Variants in GALNTL6 observed in about 807,000 individuals in gnomAD.
GALNTL6 encodes the protein polypeptide N-acetylgalactosaminyltransferase-like 6.
A neutral mutation model predicts 73.7 loss-of-function variants in GALNTL6; 46 were observed. That is an observed-to-expected ratio of 0.62 (90% CI 0.49 to 0.80). The LOEUF is 0.80. Ranked by LOEUF, GALNTL6 falls within the 30% of genes least tolerant of loss-of-function variation. The pLI is 0.00. For synonymous variants in GALNTL6, 259 were observed against 263.7 expected (o/e 0.98, Z 0.17); for missense variants, 604 against 755.0 (o/e 0.80, Z 2.34).
intron 2 of GALNTL6, among the ~76,000 whole-genome samples, chr4:172,049,710 G>A (rs985783944): frequency 2.6e-5 from 4 of 151,966 alleles, no homozygotes; most frequent in Non-Finnish European, 4.4e-5. Flanking sequence ...TCAGCCTGGC[G>A]CAGCGGCTCA....
intron 5 of GALNTL6, among the ~76,000 whole-genome samples, chr4:172,687,743 T>C (rs896784834): frequency 6.6e-6 from 1 of 152,154 alleles, no homozygotes; most frequent in Non-Finnish European, 1.5e-5. Context: ...AAAAAGACTT[T>C]AGCGCTTGGC....
chr4:172,303,176 T>A (rs1241635807), intron 3 of GALNTL6, among the ~76,000 whole-genome samples: 1 of 151,926 alleles, frequency 6.6e-6, no homozygotes, highest in Non-Finnish European at 1.5e-5. Context: ...ATTTTTGTAG[T>A]TTTAGTAGAG....
At chr4:172,983,915 C>T (rs1171653064) in intron 10 of GALNTL6, among the ~76,000 whole-genome samples, 1 of 150,844 alleles carries the variant, frequency 6.6e-6, no homozygotes, top group African/African-American at 2.5e-5. Context: ...TGAGACATCT[C>T]CCGGTTGATT....
chr4:172,293,468 G>A lies in GALNTL6; in HGVS notation c.248-18146G>A, dbSNP rs189039640. 2.9e-3 allele frequency among the ~76,000 whole-genome samples: 437 copies of A among 152,008 alleles called. 4 individuals are homozygous for A. The highest frequency in any genetic ancestry group is 0.01 in the African/African-American group (415 of 41,480). On this transcript the variant is annotated intron_variant, in intron 3 of 12. Transcript: ENST00000506823. ...TGAAAAACCTCAAGTTTGAGAGAAGGATATTATTATTATTAAGTTTATGTA... is the reference window on the plus strand; with the variant it reads ...TGAAAAACCTCAAGTTTGAGAGAAGAATATTATTATTATTAAGTTTATGTA...
chr4:172,112,629 G>T (rs1732883023), intron 2 of GALNTL6, among the ~76,000 whole-genome samples: 1 of 151,850 alleles, frequency 6.6e-6, no homozygotes, highest in Non-Finnish European at 1.5e-5. Flanking sequence ...GTTTTAATTT[G>T]TATTTCCCTA....
intron 5 of GALNTL6, among the ~76,000 whole-genome samples, chr4:172,455,934 C>T (rs1732383708): frequency 6.6e-6 from 1 of 152,316 alleles, no homozygotes; most frequent in East Asian, 1.9e-4. Context: ...TCAACAGACA[C>T]CTCATACAGG....
rs535199912 is a variant in GALNTL6, at chr4:171,953,680, T to C, written c.138+138962T>C. On this transcript the variant is annotated intron_variant, in intron 2 of 12. Coordinates refer to ENST00000506823, the MANE Select transcript of GALNTL6 (RefSeq NM_001034845.3). ...TGCAGCTTTACATTAAAATTGAGTA[T>C]AATTGTATGAAAAAGCAACATACAT... 1.7e-3 allele frequency among the ~76,000 whole-genome samples: 253 copies of C among 152,212 alleles called. 1 individual carries two copies. Among genetic ancestry groups the C allele is most frequent in the African/African-American group, 5.8e-3 (241 of 41,544 alleles).
chr4:172,727,902 TC>T (rs1348184509), intron 5 of GALNTL6, among the ~76,000 whole-genome samples: 1 of 151,970 alleles, frequency 6.6e-6, no homozygotes, highest in Non-Finnish European at 1.5e-5. Context: ...AAAAATACCA[TC>T]TTTGCTATTG....
At chr4:172,514,379 GC>G (rs1734529174) in intron 5 of GALNTL6, among the ~76,000 whole-genome samples, 1 of 152,164 alleles carries the variant, frequency 6.6e-6, no homozygotes, top group Non-Finnish European at 1.5e-5. Context: ...AGCTGGCAGT[GC>G]CAGGCCTCAC....
chr4:172,216,409 A>C (rs1204075806), intron 2 of GALNTL6, among the ~76,000 whole-genome samples: 1 of 151,856 alleles, frequency 6.6e-6, no homozygotes, highest in Non-Finnish European at 1.5e-5. Context: ...TATGTCCTTT[A>C]GAAGTATTAC....
intron 2 of GALNTL6, among the ~76,000 whole-genome samples, chr4:171,889,628 T>C (rs1248632568): frequency 1.3e-5 from 2 of 152,112 alleles, no homozygotes; most frequent in Non-Finnish European, 2.9e-5. Context: ...TGCCTTATTT[T>C]AATGATTTAG....
intron 2 of GALNTL6, among the ~76,000 whole-genome samples, chr4:171,964,571 A>G (rs1739328561): frequency 6.6e-6 from 1 of 152,170 alleles, no homozygotes; most frequent in African/African-American, 2.4e-5. Context: ...TTGTTCCCCG[A>G]ACATACCCCA....
chr4:172,139,445 G>GCTTA (rs1733747763), intron 2 of GALNTL6, among the ~76,000 whole-genome samples: 1 of 152,132 alleles, frequency 6.6e-6, no homozygotes, highest in South Asian at 2.1e-4. Context: ...AAAACCCAAG[G>GCTTA]CTTAAGTCAG....
Position 171,875,112 on chromosome 4 carries a change from G to A in GALNTL6, c.138+60394G>A, listed in dbSNP as rs76635274. On this transcript the variant is annotated intron_variant, in intron 2 of 12. Coordinates refer to ENST00000506823, the MANE Select transcript of GALNTL6 (RefSeq NM_001034845.3). ...TAAGATAAACAGGAAAGGGTTCACG[G>A]GGAAGGTAATGTGAGCCTTTAGCGA... 1.7e-3 allele frequency among the ~76,000 whole-genome samples: 261 copies of A among 152,258 alleles called. 1 individual carries two copies. Among genetic ancestry groups the A allele is most frequent in the African/African-American group, 5.8e-3 (240 of 41,556 alleles).
intron 2 of GALNTL6, among the ~76,000 whole-genome samples, chr4:172,061,725 A>G (rs1731205396): frequency 6.6e-6 from 1 of 152,038 alleles, no homozygotes; most frequent in Non-Finnish European, 1.5e-5. Flanking sequence ...AATAAGCTCC[A>G]TGATTTTAAG....
At chr4:172,808,594 T>C (rs1741110097) in intron 5 of GALNTL6, among the ~76,000 whole-genome samples, 1 of 152,212 alleles carries the variant, frequency 6.6e-6, no homozygotes, top group African/African-American at 2.4e-5. Flanking sequence ...CAAATGCTCT[T>C]ATTTGACATA....
At chr4:172,842,868 G>T (rs1415112636) in intron 7 of GALNTL6, among the ~76,000 whole-genome samples, 1 of 151,978 alleles carries the variant, frequency 6.6e-6, no homozygotes, top group Non-Finnish European at 1.5e-5. Flanking sequence ...TAACCAAAGT[G>T]AGCCGTGAGG....
intron 8 of GALNTL6, among the ~76,000 whole-genome samples, chr4:172,911,362 C>A (rs1479301358): frequency 6.6e-6 from 1 of 152,184 alleles, no homozygotes; most frequent in Non-Finnish European, 1.5e-5. Flanking sequence ...ATTTTATATA[C>A]CTTCTCATTG....
chr4:172,187,621 T>G (rs556158337), intron 2 of GALNTL6, among the ~76,000 whole-genome samples: 1 of 152,228 alleles, frequency 6.6e-6, no homozygotes, highest in East Asian at 1.9e-4. Flanking sequence ...ATGAAGAAAA[T>G]AACCTCTATC....
Sources: gnomAD v4.1 joint callset for allele counts (sites outside exome capture counted in the v4.1 genomes callset) on GRCh38, gnomAD v4.1.1 for gene constraint, MANE v1.5 for transcripts, NCBI Gene and HGNC (gene_info 2026-07-23, HGNC 2026-07-21) for gene names.